Variants in SIMC1 observed in about 807,000 individuals in gnomAD.
SIMC1 encodes the protein SUMO interacting motifs containing 1, also known as SUMO-interacting motif-containing protein 1.
A neutral mutation model predicts 82.3 loss-of-function variants in SIMC1; 55 were observed. The observed-to-expected ratio is 0.67, with a 90% CI of 0.54 to 0.84. The LOEUF is 0.84. Among genes scored for constraint, SIMC1 ranks in the 40% least tolerant of loss-of-function variants. SIMC1 has a pLI of 0.00. For missense variants in SIMC1, 915 were observed against 1,107.2 expected (o/e 0.83, Z 2.46); for synonymous variants, 353 against 426.3 (o/e 0.83, Z 2.12).
In SIMC1 at chr5:176,295,114, A is replaced by C. The variant is rs1197134634; in HGVS notation, c.1516A>C (p.Thr506Pro). The C allele has an allele frequency of 6.2e-7, 1 of 1,613,568 alleles. No individual in the cohort carries two copies. The highest frequency in any genetic ancestry group is 1.3e-5 in the African/African-American group (1 of 74,952). The change falls in exon 3 of 10, where the codon ACT becomes CCT. Residue 506 changes from threonine (T) to proline (P), a missense_variant. Coordinates refer to ENST00000429602, the MANE Select transcript of SIMC1 (RefSeq NM_001308195.2). The part of the protein sequence containing the change: ...NTIEENFPLG[T>P]VQFLMDFVSP... ...CATTGAAGAGAATTTTCCTCTGGGG[A>C]CTGTGCAGTTTTTGATGGACTTTGT...
intron 1 of SIMC1, among the ~76,000 whole-genome samples, chr5:176,277,592 T>G (rs1354418856): frequency 6.6e-6 from 1 of 152,106 alleles, no homozygotes; most frequent in African/African-American, 2.4e-5. Flanking sequence ...GTCTAACGTT[T>G]AAGTCTTTAA....
intron 4 of SIMC1, chr5:176,308,177 A>G: frequency 8.0e-7 from 1 of 1,248,646 alleles, no homozygotes; most frequent in South Asian, 1.2e-5. Context: ...GGGGCTGTGG[A>G]TAGGGGAGTT....
At chr5:176,250,716 T>A (rs1333472313) in intron 1 of SIMC1, among the ~76,000 whole-genome samples, 1 of 152,230 alleles carries the variant, frequency 6.6e-6, no homozygotes, top group African/African-American at 2.4e-5. Context: ...CATTATGTAA[T>A]GGCCTTCTTT....
At chr5:176,249,803 C>T in intron 1 of SIMC1, among the ~76,000 whole-genome samples, 1 of 134,752 alleles carries the variant, frequency 7.4e-6, no homozygotes, top group Non-Finnish European at 1.5e-5. Context: ...GAGATCATGC[C>T]ACTGCACTCC....
Position 176,322,439 on chromosome 5 carries a change from A to G in SIMC1, c.2042+14A>G, listed in dbSNP as rs1229188657. 1.2e-6 allele frequency: 2 copies of G among 1,603,772 alleles called. No individual in the cohort carries two copies. Among genetic ancestry groups the G allele is most frequent in the Non-Finnish European group, 1.7e-6 (2 of 1,175,216 alleles). ...CACCAATCAGCTGTAAGGGGCAGGCAGTTCTCTTTCCTGGGGCTCTTGGGG... is the reference window on the plus strand; with the variant it reads ...CACCAATCAGCTGTAAGGGGCAGGCGGTTCTCTTTCCTGGGGCTCTTGGGG... On this transcript the variant is annotated intron_variant, in intron 6 of 9. Coordinates refer to ENST00000429602, the MANE Select transcript of SIMC1 (RefSeq NM_001308195.2).
chr5:176,336,575 G>C, intron 7 of SIMC1, 145 bp from the exon 8 acceptor site: 2 of 1,147,526 alleles, frequency 1.7e-6, no homozygotes, highest in Non-Finnish European at 2.4e-6. Context: ...CCTGTCCACA[G>C]GTTTTGTGAT....
At chr5:176,296,498 T>C (rs548177858) in intron 4 of SIMC1, 178 bp downstream of exon 4, 1 of 793,610 alleles carries the variant, frequency 1.3e-6, no homozygotes, top group African/African-American at 1.8e-5. Context: ...ACCCTGTCTC[T>C]ACAAAAATAA....
chr5:176,267,842 A>G (rs1257806407), intron 1 of SIMC1, among the ~76,000 whole-genome samples: 5 of 97,890 alleles, frequency 5.1e-5, no homozygotes, highest in Non-Finnish European at 7.4e-5. Flanking sequence ...TGCAGCCTCA[A>G]CCTCCCAGGT....
chr5:176,305,492 C>T (rs867221292), intron 4 of SIMC1, among the ~76,000 whole-genome samples: 3 of 112,394 alleles, frequency 2.7e-5, no homozygotes, highest in South Asian at 6.1e-4. Flanking sequence ...AAGTGAGGAG[C>T]CCCTCAGCCC....
chr5:176,338,955 T>C (rs1317383510), intron 9 of SIMC1, among the ~76,000 whole-genome samples: 1 of 152,188 alleles, frequency 6.6e-6, no homozygotes, highest in Non-Finnish European at 1.5e-5. Flanking sequence ...GGATTATTAA[T>C]GAGTGAAAAA....
chr5:176,272,676 C>G (rs915246166), intron 1 of SIMC1, among the ~76,000 whole-genome samples: 1 of 152,154 alleles, frequency 6.6e-6, no homozygotes, highest in African/African-American at 2.4e-5. Flanking sequence ...CAGGGAATTC[C>G]CTTTCCTAGC....
At chr5:176,278,061 T>C (rs1446408902) in intron 1 of SIMC1, among the ~76,000 whole-genome samples, 1 of 128,154 alleles carries the variant, frequency 7.8e-6, no homozygotes. Flanking sequence ...TTTCATGATA[T>C]TGATTCTTCC....
At chr5:176,326,108 T>C (rs1038169696) in intron 7 of SIMC1, among the ~76,000 whole-genome samples, 5 of 152,190 alleles carry the variant, frequency 3.3e-5, no homozygotes, top group African/African-American at 4.8e-5. Flanking sequence ...AAGAGAGTCA[T>C]TGCGTAGTGG....
At chr5:176,274,945 G>C (rs1371093624) in intron 1 of SIMC1, among the ~76,000 whole-genome samples, 2 of 152,006 alleles carry the variant, frequency 1.3e-5, no homozygotes, top group Non-Finnish European at 2.9e-5. Flanking sequence ...GCTTAGGATT[G>C]ACTTGGCGAT....
At chr5:176,335,869 C>T (rs562669858) in intron 7 of SIMC1, among the ~76,000 whole-genome samples, 3 of 151,894 alleles carry the variant, frequency 2.0e-5, no homozygotes, top group Non-Finnish European at 4.4e-5. Flanking sequence ...ATAGTGAGAC[C>T]GCATCTCTAC....
intron 7 of SIMC1, among the ~76,000 whole-genome samples, chr5:176,335,178 T>G (rs1335210895): frequency 6.6e-6 from 1 of 152,016 alleles, no homozygotes; most frequent in Non-Finnish European, 1.5e-5. Flanking sequence ...GTTTTCTATA[T>G]TTCCTCTGGT....
At chr5:176,308,856 G>A (rs1764538869) in intron 4 of SIMC1, 9 of 1,272,626 alleles carry the variant, frequency 7.1e-6, no homozygotes, top group Middle Eastern at 1.9e-4. Context: ...ATCCATAATG[G>A]CTCAGTGTTT....
At chr5:176,322,242 A>G (rs772914765) in intron 5 of SIMC1, 31 bp from the exon 6 acceptor site, 6 of 1,534,830 alleles carry the variant, frequency 3.9e-6, no homozygotes, top group Non-Finnish European at 8.8e-7. Flanking sequence ...AAAAGAAAGA[A>G]TAAACCTTTT....
intron 1 of SIMC1, among the ~76,000 whole-genome samples, chr5:176,251,595 T>A (rs1323618218): frequency 3.3e-5 from 5 of 152,012 alleles, no homozygotes; most frequent in South Asian, 4.2e-4. Flanking sequence ...TCTTTTTTTT[T>A]TTTTTATTGA....
Sources: gnomAD v4.1 joint callset for allele counts (sites outside exome capture counted in the v4.1 genomes callset) on GRCh38, gnomAD v4.1.1 for gene constraint, MANE v1.5 for transcripts, NCBI Gene and HGNC (gene_info 2026-07-23, HGNC 2026-07-21) for gene names.